The following TNR variants were observed in gnomAD, a reference collection of about 807,000 sequenced individuals.
TNR encodes tenascin-R.
TNR carries 45 observed loss-of-function variants against 150.4 expected under a neutral mutation model. The observed-to-expected ratio is 0.30, with a 90% confidence interval of 0.24 to 0.38. The LOEUF is 0.38. Ranked by LOEUF, TNR falls within the 10% of genes least tolerant of loss-of-function variation. The pLI is 1.00. For synonymous variants in TNR, 687 were observed against 678.4 expected (o/e 1.01, Z -0.20); for missense variants, 1,544 against 1,759.1 (o/e 0.88, Z 2.19).
rs572679256 is a variant in TNR, at chr1:175,429,899, T to C, written c.-63-23122A>G. On this transcript the variant is annotated intron_variant, in intron 2 of 22. Coordinates refer to ENST00000367674, the MANE Select transcript of TNR (RefSeq NM_003285.3). ...AATAAGTGATATGCGTGTCTTTACT[T>C]CTGAGTTTTCCCTCATGACAGACAT... Among the ~76,000 whole-genome samples, 21 of 152,232 alleles carry C rather than the reference T, an allele frequency of 1.4e-4. 1 individual carries two copies. In the South Asian group the frequency reaches 4.4e-3, roughly 32 times the overall value.
At position 175,693,214 on chromosome 1, in the gene TNR, T is replaced by A. The variant is rs370249346; in HGVS notation, c.-165+50012A>T. 5.9e-5 allele frequency among the ~76,000 whole-genome samples: 9 copies of A among 152,314 alleles called. No individual in the cohort carries two copies. In the East Asian group the frequency reaches 1.5e-3, roughly 26 times the overall value. On this transcript the variant is annotated intron_variant, in intron 1 of 22. Transcript: ENST00000367674. ...ATCCCAGCTTGCTCTCTGTTACCTC[T>A]CCAGGAGTCTCTGAGGCTGGAGTGG...
intron 2 of TNR, among the ~76,000 whole-genome samples, chr1:175,511,263 G>A (rs1659163084): frequency 6.6e-6 from 1 of 152,192 alleles, no homozygotes; most frequent in Non-Finnish European, 1.5e-5. Context: ...AATAAAGCAT[G>A]TCAAATATTT....
chr1:175,653,310 T>G (rs1305340714), intron 1 of TNR, among the ~76,000 whole-genome samples: 1 of 152,226 alleles, frequency 6.6e-6, no homozygotes, highest in Non-Finnish European at 1.5e-5. Flanking sequence ...TGACACCGCA[T>G]GCACAGTGAG....
At chr1:175,348,844 A>C (rs573674710) in intron 18 of TNR, among the ~76,000 whole-genome samples, 4 of 152,368 alleles carry the variant, frequency 2.6e-5, no homozygotes, top group African/African-American at 9.6e-5. Context: ...TGAAAAGCAA[A>C]GAAAGACTTC....
intron 1 of TNR, among the ~76,000 whole-genome samples, chr1:175,578,137 G>T (rs1662195440): frequency 6.6e-6 from 1 of 152,154 alleles, no homozygotes; most frequent in South Asian, 2.1e-4. Flanking sequence ...GTGTGTGCCT[G>T]GCTGAGCAGG....
intron 1 of TNR, among the ~76,000 whole-genome samples, chr1:175,725,218 C>T (rs1667446507): frequency 6.6e-6 from 1 of 152,214 alleles, no homozygotes; most frequent in Non-Finnish European, 1.5e-5. Flanking sequence ...ATACAGAAGG[C>T]AAGCTCTCAC....
chr1:175,323,661 T>G (rs1028530892), intron 22 of TNR, among the ~76,000 whole-genome samples, 185 bp from the exon 23 acceptor site: 3 of 152,200 alleles, frequency 2.0e-5, no homozygotes, highest in Non-Finnish European at 4.4e-5. Context: ...AGCTTTCTCC[T>G]TAAATGTGCC....
intron 10 of TNR, among the ~76,000 whole-genome samples, 153 bp downstream of exon 10, chr1:175,367,055 G>C (rs753048804): frequency 2.0e-5 from 3 of 152,230 alleles, no homozygotes; most frequent in Non-Finnish European, 4.4e-5. Context: ...ATTAGGCATA[G>C]GGTGGATGTT....
chr1:175,672,139 T>C (rs1665719410), intron 1 of TNR, among the ~76,000 whole-genome samples: 2 of 152,166 alleles, frequency 1.3e-5, no homozygotes, highest in Admixed American at 1.3e-4. Flanking sequence ...AATTTCCTCA[T>C]TAGTAAAATG....
intron 1 of TNR, among the ~76,000 whole-genome samples, chr1:175,691,601 G>A (rs889810488): frequency 3.3e-5 from 5 of 151,894 alleles, no homozygotes; most frequent in African/African-American, 1.2e-4. Flanking sequence ...CCTTAAACAG[G>A]TACTGACTGA....
intron 1 of TNR, among the ~76,000 whole-genome samples, chr1:175,623,343 G>A (rs968979276): frequency 6.6e-6 from 1 of 152,056 alleles, no homozygotes; most frequent in Non-Finnish European, 1.5e-5. Flanking sequence ...TACAGTCTTT[G>A]GATAATAAAT....
intron 1 of TNR, among the ~76,000 whole-genome samples, chr1:175,740,545 C>T (rs1036193715): frequency 1.5e-4 from 23 of 152,104 alleles, no homozygotes; most frequent in African/African-American, 5.1e-4. Context: ...CCCACCACTG[C>T]TCATCTCCCC....
chr1:175,557,715 A>T (rs558798052), intron 1 of TNR, among the ~76,000 whole-genome samples: 2 of 145,894 alleles, frequency 1.4e-5, no homozygotes, highest in Admixed American at 1.4e-4. Context: ...TCAGTGTGGC[A>T]ATTCCTCAGG....
chr1:175,606,044 C>T (rs145443815), intron 1 of TNR, among the ~76,000 whole-genome samples: 24 of 152,334 alleles, frequency 1.6e-4, no homozygotes, highest in African/African-American at 5.8e-4. Flanking sequence ...TTCCTTCATC[C>T]ACTCTTTCAT....
At chr1:175,512,005 A>G (rs564778542) in intron 2 of TNR, among the ~76,000 whole-genome samples, 72 of 152,374 alleles carry the variant, frequency 4.7e-4, no homozygotes, top group African/African-American at 1.7e-3. Flanking sequence ...TGCTACAGCT[A>G]TAGGATGATT....
intron 9 of TNR, 33 bp from the exon 10 acceptor site, chr1:175,367,330 G>A: frequency 1.3e-6 from 2 of 1,586,042 alleles, no homozygotes; most frequent in Non-Finnish European, 1.7e-6. Context: ...ACATTATTCT[G>A]TGTATGGGGC....
intron 19 of TNR, among the ~76,000 whole-genome samples, chr1:175,336,772 AT>A (rs1467919797): frequency 1.3e-5 from 2 of 152,162 alleles, no homozygotes; most frequent in Non-Finnish European, 2.9e-5. Context: ...CCAGCTATCC[AT>A]GTTTGGGGCC....
At chr1:175,405,970 C>A (rs1653937833) in intron 3 of TNR, among the ~76,000 whole-genome samples, 1 of 152,200 alleles carries the variant, frequency 6.6e-6, no homozygotes, top group Non-Finnish European at 1.5e-5. Flanking sequence ...TTCAAACTGG[C>A]TATGCAGTGT....
chr1:175,497,814 C>T (rs990438537), intron 2 of TNR, among the ~76,000 whole-genome samples: 2 of 152,168 alleles, frequency 1.3e-5, no homozygotes, highest in African/African-American at 4.8e-5. Flanking sequence ...AATCCTAGCA[C>T]TTTGGGAGGC....
Sources: allele counts gnomAD v4.1 joint callset (sites outside exome capture counted in the v4.1 genomes callset), GRCh38; gene constraint gnomAD v4.1.1; transcripts MANE v1.5; gene names NCBI Gene and HGNC (gene_info 2026-07-23, HGNC 2026-07-21).